The following PPP2R2D variants were observed in gnomAD, a reference collection of about 807,000 sequenced individuals.
The protein encoded by PPP2R2D is protein phosphatase 2 regulatory subunit Bdelta.
PPP2R2D carries 9 observed loss-of-function variants against 31.1 expected under a neutral mutation model. That is an observed-to-expected ratio of 0.29 (90% CI 0.17 to 0.51). PPP2R2D has a LOEUF of 0.51. Among genes scored for constraint, PPP2R2D ranks in the 20% least tolerant of loss-of-function variants. The pLI, the probability that PPP2R2D is intolerant of heterozygous loss-of-function variation, is 0.98. For missense variants in PPP2R2D, 391 were observed against 465.6 expected (o/e 0.84, Z 1.48); for synonymous variants, 179 against 172.6 (o/e 1.04, Z -0.29).
chr10:131,906,204 C>T (rs2035579733), intron 2 of PPP2R2D, among the ~76,000 whole-genome samples: 1 of 152,132 alleles, frequency 6.6e-6, no homozygotes, highest in African/African-American at 2.4e-5. Flanking sequence ...ACTAATTGCT[C>T]CTATGGAGAA....
chr10:131,960,170 C>G (rs2036902909), downstream of PPP2R2D, among the ~76,000 whole-genome samples: 1 of 152,258 alleles, frequency 6.6e-6, no homozygotes, highest in Admixed American at 6.5e-5. Context: ...CCGCAAAAAG[C>G]AGGATCCATT....
the PPP2R2D span, chr10:131,967,652 G>A: frequency 7.9e-5 from 12 of 152,630 alleles, no homozygotes; most frequent in Non-Finnish European, 1.2e-4. Flanking sequence ...CTATCATGAC[G>A]TCTGATTTTA....
the PPP2R2D span, chr10:131,966,416 C>G: frequency 6.6e-6 from 1 of 152,202 alleles, no homozygotes; most frequent in Non-Finnish European, 1.5e-5. Flanking sequence ...CTGCCATTAT[C>G]CTACCTCAAA....
At chr10:131,921,241 G>A (rs977755894) in intron 2 of PPP2R2D, among the ~76,000 whole-genome samples, 5 of 152,162 alleles carry the variant, frequency 3.3e-5, no homozygotes, top group African/African-American at 9.7e-5. Flanking sequence ...GATCTGCCAC[G>A]GGGGAGAGGC....
At chr10:131,964,790 C>T (rs943490473), downstream of PPP2R2D, among the ~76,000 whole-genome samples, 1 of 151,366 alleles carries the variant, frequency 6.6e-6, no homozygotes, top group African/African-American at 2.4e-5. Flanking sequence ...AGTGAGGTTC[C>T]CTTACTGTAG....
At chr10:131,911,384 C>T (rs931950709) in intron 2 of PPP2R2D, among the ~76,000 whole-genome samples, 6 of 152,314 alleles carry the variant, frequency 3.9e-5, no homozygotes, top group Non-Finnish European at 5.9e-5. Flanking sequence ...ACAACTGTAC[C>T]GTGTGCTTTT....
At chr10:131,927,984 G>C (rs1375680459) in intron 2 of PPP2R2D, among the ~76,000 whole-genome samples, 3 of 152,166 alleles carry the variant, frequency 2.0e-5, no homozygotes, top group Non-Finnish European at 4.4e-5. Context: ...GGATATGCAT[G>C]TTTCACCTTA....
At chr10:131,950,328 G>A (rs901833639) in intron 8 of PPP2R2D, among the ~76,000 whole-genome samples, 5 of 152,090 alleles carry the variant, frequency 3.3e-5, no homozygotes, top group Non-Finnish European at 7.4e-5. Flanking sequence ...ACACAGGATC[G>A]GGAGCACAGC....
chr10:131,924,824 AT>A (rs59367429), intron 2 of PPP2R2D, among the ~76,000 whole-genome samples: 10 of 149,416 alleles, frequency 6.7e-5, no homozygotes, highest in Admixed American at 1.3e-4. Flanking sequence ...CAGGTCTTTA[AT>A]TTTTTTTTTT....
intron 3 of PPP2R2D, among the ~76,000 whole-genome samples, chr10:131,935,431 G>A (rs782399199): frequency 7.2e-5 from 11 of 152,154 alleles, no homozygotes; most frequent in Non-Finnish European, 1.5e-4. Flanking sequence ...TGGTTTAGAG[G>A]TTGGTGGGCC....
intron 2 of PPP2R2D, among the ~76,000 whole-genome samples, chr10:131,908,017 C>T (rs1412784797): frequency 2.6e-5 from 4 of 152,152 alleles, no homozygotes; most frequent in Non-Finnish European, 5.9e-5. Flanking sequence ...AAATCAGAAG[C>T]TTTTTGTTAA....
downstream of PPP2R2D, among the ~76,000 whole-genome samples, chr10:131,964,522 C>T (rs578216897): frequency 2.0e-4 from 31 of 152,294 alleles, no homozygotes; most frequent in African/African-American, 6.7e-4. Context: ...AGCAAGCCCA[C>T]GGCTTCGTGC....
chr10:131,948,582 G>A (rs1005156659), intron 8 of PPP2R2D, among the ~76,000 whole-genome samples: 7 of 152,132 alleles, frequency 4.6e-5, no homozygotes, highest in South Asian at 4.1e-4. Flanking sequence ...ATCTCACAAC[G>A]GCCAGAAACT....
At chr10:131,939,080 C>G in intron 3 of PPP2R2D, among the ~76,000 whole-genome samples, 1 of 150,872 alleles carries the variant, frequency 6.6e-6, no homozygotes, top group African/African-American at 2.5e-5. Flanking sequence ...ATACGGCAGG[C>G]TGCATTCAGC....
chr10:131,912,507 A>T (rs1238424669), intron 2 of PPP2R2D: 7 of 152,180 alleles, frequency 4.6e-5, no homozygotes, highest in African/African-American at 1.4e-4. Context: ...TTTTTTCATT[A>T]AGAGTCTATA....
rs1554897815 is a variant in PPP2R2D, at chr10:131,945,311, G to T, written c.672G>T (p.Lys224Asn). The T allele has an allele frequency of 6.2e-7, 1 of 1,613,924 alleles. No homozygotes were observed. Among genetic ancestry groups the T allele is most frequent in the Admixed American group, 1.7e-5 (1 of 60,016 alleles). ...TDRSFNIVDI[K>N]PANMEELTEV... ...CACTCCCAGACATCGTGGACATCAA[G>T]CCTGCTAACATGGAGGAGCTGACCG... Residue 224 changes from lysine to asparagine, a missense_variant, in exon 7 of 9, where the codon AAG becomes AAT. By Grantham distance (94) the Lys-to-Asn change is moderately conservative. This residue lies in a region of PPP2R2D where 123 missense variants were observed against 187.7 expected (regional missense o/e 0.66). Coordinates refer to ENST00000455566, the MANE Select transcript of PPP2R2D (RefSeq NM_018461.5). This position sits in a 1 kb window ranked among gnomAD's most constrained non-coding sequence, Gnocchi z 4.8.
At chr10:131,937,033 C>G (rs973152874) in intron 3 of PPP2R2D, among the ~76,000 whole-genome samples, 7 of 152,192 alleles carry the variant, frequency 4.6e-5, no homozygotes, top group Non-Finnish European at 7.3e-5. Context: ...ATCAAGCGAC[C>G]CCAGCTCCCA....
chr10:131,911,807 T>G (rs1168521996), intron 2 of PPP2R2D: 1 of 152,234 alleles, frequency 6.6e-6, no homozygotes, highest in Non-Finnish European at 1.5e-5. Context: ...CTATTAGCAG[T>G]AGGAGTGTCA....
At chr10:131,921,469 A>AGGGATGGGCCTGGACCGGGATGG (rs2035987130) in intron 2 of PPP2R2D, among the ~76,000 whole-genome samples, 3 of 152,066 alleles carry the variant, frequency 2.0e-5, no homozygotes, top group African/African-American at 7.2e-5. Context: ...GATGCAAATG[A>AGGGATGGGCCTGGACCGGGATGG]GGGATGGGCC....
Sources: gnomAD v4.1 joint callset for allele counts (sites outside exome capture counted in the v4.1 genomes callset) on GRCh38, gnomAD v4.1.1 for gene constraint, gnomAD v4.1.1 regional missense constraint, Gnocchi (gnomAD v3.1) non-coding constraint, MANE v1.5 for transcripts, NCBI Gene and HGNC (gene_info 2026-07-23, HGNC 2026-07-21) for gene names.